The following ITGA9 variants were observed in gnomAD, a reference collection of about 807,000 sequenced individuals.
ITGA9 encodes the protein integrin alpha-9.
ITGA9 carries 56 observed loss-of-function variants against 127.8 expected under a neutral mutation model. That is an observed-to-expected ratio of 0.44 (90% CI 0.35 to 0.55). The LOEUF is 0.55. ITGA9 is among the 20% of genes least tolerant of loss of function. The pLI, the probability that ITGA9 is intolerant of heterozygous loss-of-function variation, is 0.00. For missense variants in ITGA9, 1,196 were observed against 1,347.1 expected, an observed-to-expected ratio of 0.89 and a Z score of 1.76; for synonymous variants, 508 against 514.5, an observed-to-expected ratio of 0.99 and a Z score of 0.17.
At chr3:37,671,321 A>C (rs1319698756) in intron 17 of ITGA9, among the ~76,000 whole-genome samples, 3 of 152,228 alleles carry the variant, frequency 2.0e-5, no homozygotes, top group Non-Finnish European at 4.4e-5. Context: ...CAGATGAGGC[A>C]GGAGGAGGGA....
At chr3:37,813,928 T>A (rs1260883946) in intron 27 of ITGA9, among the ~76,000 whole-genome samples, 1 of 152,248 alleles carries the variant, frequency 6.6e-6, no homozygotes, top group East Asian at 1.9e-4. Context: ...CATAACTGCA[T>A]GTGTTTTGTG....
chr3:37,518,096 G>T (rs1252610638), intron 10 of ITGA9, among the ~76,000 whole-genome samples: 8 of 150,086 alleles, frequency 5.3e-5, no homozygotes, highest in Admixed American at 5.3e-4. Flanking sequence ...GTGTACGCGT[G>T]TGTGTGTGTG....
chr3:37,708,077 A>T (rs1012350199), intron 18 of ITGA9, among the ~76,000 whole-genome samples: 1 of 152,196 alleles, frequency 6.6e-6, no homozygotes, highest in African/African-American at 2.4e-5. Context: ...CTATTTGCTC[A>T]TAACTCTAGG....
chr3:37,667,838 G>A (rs1376540611), intron 17 of ITGA9, among the ~76,000 whole-genome samples: 1 of 152,148 alleles, frequency 6.6e-6, no homozygotes, highest in Non-Finnish European at 1.5e-5. Context: ...CTGGTGGGAG[G>A]CTCCAAAGCC....
At chr3:37,788,801 T>C (rs1697070849) in intron 26 of ITGA9, among the ~76,000 whole-genome samples, 1 of 152,092 alleles carries the variant, frequency 6.6e-6, no homozygotes, top group Non-Finnish European at 1.5e-5. Context: ...TTTACCATGG[T>C]TTTTTAATTT....
intron 6 of ITGA9, among the ~76,000 whole-genome samples, chr3:37,504,844 G>T (rs946168014): frequency 6.6e-6 from 1 of 152,150 alleles, no homozygotes; most frequent in East Asian, 1.9e-4. Flanking sequence ...TGATGTCATC[G>T]CGAAACTCAA....
chr3:37,581,525 T>C (rs1001086353), intron 15 of ITGA9, among the ~76,000 whole-genome samples: 10 of 152,204 alleles, frequency 6.6e-5, no homozygotes, highest in Non-Finnish European at 1.5e-4. Flanking sequence ...TGTTGGATGC[T>C]GAATGCAGTG....
intron 16 of ITGA9, among the ~76,000 whole-genome samples, chr3:37,634,302 G>C (rs1700256368): frequency 6.6e-6 from 1 of 150,552 alleles, no homozygotes. Flanking sequence ...ACATGGAGTG[G>C]TTAAATGGAT....
At chr3:37,707,058 T>C (rs1479222399) in intron 18 of ITGA9, among the ~76,000 whole-genome samples, 1 of 152,186 alleles carries the variant, frequency 6.6e-6, no homozygotes, top group Admixed American at 6.5e-5. Flanking sequence ...GTCTAAAAAG[T>C]TAGGACATTT....
intron 15 of ITGA9, among the ~76,000 whole-genome samples, chr3:37,612,031 A>G (rs1308081558): frequency 1.3e-5 from 2 of 152,072 alleles, no homozygotes; most frequent in Non-Finnish European, 2.9e-5. Context: ...CAGGCCCTGA[A>G]CCTGTCATAA....
chr3:37,505,988 C>T lies in ITGA9; in HGVS notation c.743-12C>T. 2 of 1,589,526 alleles carry T rather than the reference C, an allele frequency of 1.3e-6. No homozygotes were observed. Among genetic ancestry groups the T allele is most frequent in the East Asian group, 4.5e-5 (2 of 44,442 alleles). On this transcript the variant is annotated splice_polypyrimidine_tract_variant and intron_variant, in intron 6 of 27. Transcript: ENST00000264741. ...TTCAACCGTGTGCTTGGTTTCCGCCCATCCTGTTCAGGCTACGCAGTGACC... is the reference window on the plus strand; with the variant it reads ...TTCAACCGTGTGCTTGGTTTCCGCCTATCCTGTTCAGGCTACGCAGTGACC...
In ITGA9 at chr3:37,574,495, C is replaced by T. The variant is rs1275985540; in HGVS notation, c.1689+31910C>T. Among the ~76,000 whole-genome samples the T allele has an allele frequency of 2.6e-5, 4 of 152,160 alleles. No homozygotes were observed. The South Asian group carries it at 6.2e-4, about 24-fold the overall frequency. The stretch of plus-strand genomic sequence containing the variant: ...TTATTCCATATTCATGCAGGTCTTG[C>T]AGCCAAGGATTGTTACATTAAGATC... On this transcript the variant is annotated intron_variant, in intron 15 of 27. Transcript: ENST00000264741.
chr3:37,773,369 C>G (rs1696867409), intron 23 of ITGA9, among the ~76,000 whole-genome samples: 1 of 152,226 alleles, frequency 6.6e-6, no homozygotes, highest in Non-Finnish European at 1.5e-5. Context: ...AGCGGTCTGT[C>G]AGCAGATGTC....
Position 37,597,487 on chromosome 3 carries a change from G to A in ITGA9, c.1690-31700G>A, listed in dbSNP as rs1184529445. 6.6e-6 allele frequency among the ~76,000 whole-genome samples: 1 copy of A among 152,132 alleles called. No homozygotes were observed. The highest frequency in any genetic ancestry group is 1.5e-5 in the Non-Finnish European group (1 of 68,032). ...AGAGGGCAGGCTGCAGAAAAGGCAG[G>A]ATACGAGGTAGAACTCCCACAGTTT... is the stretch of plus-strand genomic sequence containing the variant. On this transcript the variant is annotated intron_variant, in intron 15 of 27. Coordinates refer to ENST00000264741, the MANE Select transcript of ITGA9 (RefSeq NM_002207.3). This position sits in a 1 kb window ranked among gnomAD's most constrained non-coding sequence, Gnocchi z 4.6.
intron 24 of ITGA9, 29 bp downstream of exon 24, chr3:37,777,546 C>A (rs751523626): frequency 6.2e-7 from 1 of 1,613,064 alleles, no homozygotes; most frequent in Non-Finnish European, 8.5e-7. Context: ...GTTGGGGTAA[C>A]ACGGGTGGTC....
At chr3:37,559,205 G>T (rs1351208290) in intron 15 of ITGA9, among the ~76,000 whole-genome samples, 1 of 152,128 alleles carries the variant, frequency 6.6e-6, no homozygotes, top group Non-Finnish European at 1.5e-5. Flanking sequence ...TGAAAGGAGA[G>T]ATTTTTTTCC....
intron 18 of ITGA9, among the ~76,000 whole-genome samples, chr3:37,722,997 GATT>G (rs1701207135): frequency 6.6e-6 from 1 of 152,100 alleles, no homozygotes; most frequent in Non-Finnish European, 1.5e-5. Context: ...TTGTCTTTTT[GATT>G]GTAGCCATTC....
chr3:37,741,676 C>T (rs1215488309), intron 20 of ITGA9, 54 bp from the exon 21 acceptor site: 2 of 1,397,300 alleles, frequency 1.4e-6, no homozygotes, highest in Non-Finnish European at 1.0e-6. Context: ...AGAAAGCCCA[C>T]TGCTGGACAG....
chr3:37,688,152 G>A (rs73827026), intron 18 of ITGA9, among the ~76,000 whole-genome samples: 60 of 152,310 alleles, frequency 3.9e-4, no homozygotes, highest in African/African-American at 1.4e-3. Flanking sequence ...AAGCAACTCA[G>A]GCAGAAAGAT....
Sources: gnomAD v4.1 joint callset for allele counts (sites outside exome capture counted in the v4.1 genomes callset) on GRCh38, gnomAD v4.1.1 for gene constraint, Gnocchi (gnomAD v3.1) non-coding constraint, MANE v1.5 for transcripts, NCBI Gene and HGNC (gene_info 2026-07-23, HGNC 2026-07-21) for gene names.